The following EGFLAM variants were observed in gnomAD, a reference collection of about 807,000 sequenced individuals.
EGFLAM encodes the protein EGF like, fibronectin type III and laminin G domains, also known as pikachurin.
A neutral mutation model predicts 113.1 loss-of-function variants in EGFLAM; 79 were observed. That is an observed-to-expected ratio of 0.70 (90% CI 0.58 to 0.84). EGFLAM has a LOEUF of 0.84. EGFLAM is among the 40% of genes least tolerant of loss of function. EGFLAM has a pLI of 0.00. For synonymous variants in EGFLAM, 504 were observed against 487.6 expected, an observed-to-expected ratio of 1.03 and a Z score of -0.44; for missense variants, 1,265 against 1,291.6, an observed-to-expected ratio of 0.98 and a Z score of 0.32.
At chr5:38,293,380 G>A (rs1758379108) in intron 1 of EGFLAM, among the ~76,000 whole-genome samples, 1 of 152,192 alleles carries the variant, frequency 6.6e-6, no homozygotes, top group African/African-American at 2.4e-5. Context: ...GAATTACAGT[G>A]AGGATTAAAT....
intron 1 of EGFLAM, among the ~76,000 whole-genome samples, chr5:38,291,327 G>A (rs149769139): frequency 8.2e-4 from 125 of 152,278 alleles, no homozygotes; most frequent in African/African-American, 2.9e-3. Flanking sequence ...GCCCATGTTG[G>A]CTGACCTTCC....
chr5:38,332,698 G>T (rs541042852), intron 1 of EGFLAM, among the ~76,000 whole-genome samples: 9 of 152,298 alleles, frequency 5.9e-5, no homozygotes, highest in African/African-American at 2.2e-4. Flanking sequence ...CAAAGGGATG[G>T]GCCAAAATAA....
chr5:38,445,597 T>G lies in EGFLAM; in HGVS notation c.2465-2704T>G, dbSNP rs1019296528. On this transcript the variant is annotated intron_variant, in intron 17 of 21. Transcript: ENST00000322350. ...GAGAAACAAGGCTGGCTTCAAGTGA[T>G]CTGCAACCAGAGTAATTGGGATTTG... is the stretch of plus-strand genomic sequence containing the variant. 1.9e-6 allele frequency: 3 copies of G among 1,598,048 alleles called. No homozygotes were observed. The African/African-American group carries it at 4.0e-5, about 21-fold the overall frequency.
chr5:38,451,211 C>T, intron 18 of EGFLAM, 104 bp from the exon 19 acceptor site: 1 of 1,484,946 alleles, frequency 6.7e-7, no homozygotes, highest in South Asian at 1.3e-5. Flanking sequence ...AAGTGCCAGA[C>T]TATCCTTACA....
Position 38,463,926 on chromosome 5 carries a change from C to T in EGFLAM, c.2970C>T (p.His990=), listed in dbSNP as rs1481276598. 1.9e-6 allele frequency: 3 copies of T among 1,614,260 alleles called. No homozygotes were observed. Among genetic ancestry groups the T allele is most frequent in the Non-Finnish European group, 2.5e-6 (3 of 1,180,052 alleles). The change falls in exon 22 of 22, where the codon CAC becomes CAT. Residue 990 remains histidine (H), a synonymous_variant. Coordinates refer to ENST00000322350, the MANE Select transcript of EGFLAM (RefSeq NM_152403.4). The part of the protein sequence containing the change: ...ISHFTLSTDY[H]ISLVEDAVDG... ...ACTTCACCCTGTCCACCGATTACCA[C>T]ATTTCCCTCGTGGAAGATGCCGTGG...
intron 3 of EGFLAM, among the ~76,000 whole-genome samples, chr5:38,343,202 G>A (rs558259149): frequency 9.2e-5 from 14 of 152,128 alleles, no homozygotes; most frequent in Admixed American, 3.9e-4. Flanking sequence ...TCAGGAGTTC[G>A]AGACCAGCCT....
intron 5 of EGFLAM, among the ~76,000 whole-genome samples, chr5:38,369,654 G>A (rs968501861): frequency 5.3e-5 from 8 of 152,182 alleles, no homozygotes; most frequent in African/African-American, 1.4e-4. Flanking sequence ...TAGTAAGTAG[G>A]AGAGTCAGGA....
intron 7 of EGFLAM, 96 bp from the exon 8 acceptor site, chr5:38,406,732 A>G (rs1336874126): frequency 2.5e-6 from 3 of 1,202,526 alleles, no homozygotes; most frequent in African/African-American, 3.1e-5. Flanking sequence ...TTTGGAAGTG[A>G]CCATGTTTTC....
intron 1 of EGFLAM, among the ~76,000 whole-genome samples, chr5:38,296,595 A>T (rs1246781612): frequency 6.6e-6 from 1 of 152,178 alleles, no homozygotes; most frequent in African/African-American, 2.4e-5. Context: ...AGTGGATGAC[A>T]ACATTAGTGG....
Position 38,258,730 on chromosome 5 carries a change from A to G in EGFLAM, c.-25A>G, listed in dbSNP as rs969253469. On this transcript the variant is annotated 5_prime_UTR_variant, in exon 1 of 22. Transcript: ENST00000322350. ...TTCCGTGTGCGCCCGGGACTTGGTG[A>G]AACTTTGCAGGCGCCGGCTGCGAAA... 1.3e-6 allele frequency: 2 copies of G among 1,594,566 alleles called. No homozygotes were observed. The highest frequency in any genetic ancestry group is 2.7e-5 in the African/African-American group (2 of 74,562).
intron 19 of EGFLAM, among the ~76,000 whole-genome samples, chr5:38,454,683 A>G (rs751193811): frequency 7.2e-5 from 11 of 152,182 alleles, no homozygotes; most frequent in Admixed American, 3.9e-4. Flanking sequence ...GAATTGTTCT[A>G]CAGAGCAGAC....
Position 38,451,431 on chromosome 5 carries a change from G to A in EGFLAM, c.2660G>A (p.Gly887Asp), listed in dbSNP as rs1303899013. 6.2e-7 allele frequency: 1 copy of A among 1,614,200 alleles called. No individual in the cohort carries two copies. The highest frequency in any genetic ancestry group is 2.2e-5 in the East Asian group (1 of 44,878). Reference sequence around the variant, plus strand: ...CCCAACAGCGACTTCATTTCCTTGGGCCTTCGGGATGGAGCCCTCGTGTTC... The same window carrying A: ...CCCAACAGCGACTTCATTTCCTTGGACCTTCGGGATGGAGCCCTCGTGTTC... ...MRPNSDFISLGLRDGALVFSY... is the reference protein window; with the variant it reads ...MRPNSDFISLDLRDGALVFSY... The change falls in exon 19 of 22, where the codon GGC (glycine) becomes GAC (aspartate). Residue 887 changes from glycine to aspartate, a missense_variant. Coordinates refer to ENST00000322350, the MANE Select transcript of EGFLAM (RefSeq NM_152403.4).
chr5:38,278,786 G>A (rs760054379), intron 1 of EGFLAM, among the ~76,000 whole-genome samples: 6 of 140,254 alleles, frequency 4.3e-5, no homozygotes, highest in African/African-American at 8.4e-5. Flanking sequence ...ACCGTGCCTG[G>A]CCTCTGGTCA....
At chr5:38,302,708 T>TC (rs1758620401) in intron 1 of EGFLAM, among the ~76,000 whole-genome samples, 1 of 75,012 alleles carries the variant, frequency 1.3e-5, no homozygotes, top group African/African-American at 6.3e-5. Flanking sequence ...TGTCTGAGAA[T>TC]CAAAAAAAAA....
At chr5:38,289,122 G>A (rs1475425137) in intron 1 of EGFLAM, among the ~76,000 whole-genome samples, 1 of 152,062 alleles carries the variant, frequency 6.6e-6, no homozygotes, top group Non-Finnish European at 1.5e-5. Context: ...CAGCCTCCCT[G>A]ACACCCCTCT....
At chr5:38,333,943 G>A (rs59208387) in intron 1 of EGFLAM, among the ~76,000 whole-genome samples, 3 of 44,590 alleles carry the variant, frequency 6.7e-5, no homozygotes, top group Non-Finnish European at 1.1e-4. Flanking sequence ...TTTTTTTTGA[G>A]ATGGAGTTTT....
intron 6 of EGFLAM, chr5:38,403,823 C>G: frequency 1.9e-6 from 3 of 1,613,540 alleles, no homozygotes; most frequent in African/African-American, 1.3e-5. Context: ...TCCTCAAGGG[C>G]CTTTTGTGTG....
At chr5:38,436,061 C>A (rs1341069367) in intron 16 of EGFLAM, among the ~76,000 whole-genome samples, 1 of 151,972 alleles carries the variant, frequency 6.6e-6, no homozygotes, top group Non-Finnish European at 1.5e-5. Context: ...TGTGATCTGC[C>A]CACCTTGGCC....
chr5:38,259,930 ACTCT>A (rs1218729950), intron 1 of EGFLAM, among the ~76,000 whole-genome samples: 1 of 151,988 alleles, frequency 6.6e-6, no homozygotes, highest in African/African-American at 2.4e-5. Context: ...TCGCATTGAA[ACTCT>A]CTATCTGGAA....
Sources: allele counts gnomAD v4.1 joint callset (sites outside exome capture counted in the v4.1 genomes callset), GRCh38; gene constraint gnomAD v4.1.1; transcripts MANE v1.5; gene names NCBI Gene and HGNC (gene_info 2026-07-23, HGNC 2026-07-21).